The following ADAMTS7 variants were observed in gnomAD, a reference collection of about 807,000 sequenced individuals.
The protein encoded by ADAMTS7 is ADAM metallopeptidase with thrombospondin type 1 motif 7, also known as A disintegrin and metalloproteinase with thrombospondin motifs 7.
Under a neutral mutation model 172.6 loss-of-function variants are expected in ADAMTS7, and 89 were observed. The ratio of observed to expected loss-of-function variants is 0.52; its 90% CI spans 0.43 to 0.61. ADAMTS7 has a LOEUF of 0.61. Ranked by LOEUF, ADAMTS7 falls within the 20% of genes least tolerant of loss-of-function variation. The probability of loss-of-function intolerance (pLI) is 0.00; values close to 1 mark genes in which losing one functional copy is unlikely to be tolerated. For missense variants in ADAMTS7, 1,973 were observed against 2,355.6 expected (o/e 0.84, Z 3.36); for synonymous variants, 885 against 978.4 (o/e 0.90, Z 1.78).
chr15:78,764,626 C>T lies in ADAMTS7; in HGVS notation c.4348G>A (p.Gly1450Ser), dbSNP rs199897385. 1,106 of 1,554,706 alleles carry T rather than the reference C, an allele frequency of 7.1e-4. 5 individuals carry two copies. In the African/African-American group the frequency reaches 0.013, roughly 18 times the overall value. The part of the protein sequence containing the change: ...SGRDEDCAPA[G>S]RPQPARRCHL... ...CAGCGGCGGGCAGGCTGGGGCCGGC[C>T]AGCGGGGGCGCAGTCCTCATCCCGG... is the stretch of plus-strand genomic sequence containing the variant. Residue 1450 changes from glycine (G) to serine (S), a missense_variant, in exon 20 of 24, where the codon GGC (glycine) becomes AGC (serine). Transcript: ENST00000388820.
rs531863929 is a variant in ADAMTS7 at position 78,763,970 on chromosome 15, C to G, written c.4549G>C (p.Gly1517Arg). The change falls in exon 21 of 24, where the codon GGG becomes CGG. Residue 1517 changes from glycine (G) to arginine (R), a missense_variant. By Grantham distance (125) the Gly-to-Arg change is moderately radical (BLOSUM62 -2). Around this residue, in one of 8 missense-constraint regions of ADAMTS7, gnomAD observed 218 missense variants for 216.9 expected, o/e 1.01. Coordinates refer to ENST00000388820, the MANE Select transcript of ADAMTS7 (RefSeq NM_014272.5). ...PAKPPAHRPC[G>R]AQPCLSWYTS... is the part of the protein sequence containing the mutation. The stretch of plus-strand genomic sequence containing the variant: ...TACCAGCTGAGGCAGGGCTGGGCCC[C>G]GCAGGGCCGGTGCGCAGGCGGCTTG... 1 of 1,548,612 alleles carries G rather than the reference C, an allele frequency of 6.5e-7. No homozygotes were observed. The highest frequency in any genetic ancestry group is 8.7e-7 in the Non-Finnish European group (1 of 1,147,196).
At position 78,763,977 on chromosome 15, in the gene ADAMTS7, C is replaced by A; in HGVS notation, c.4542G>T (p.Arg1514=). The change falls in exon 21 of 24, where the codon CGG becomes CGT. Residue 1514 remains arginine (R), a synonymous_variant. Transcript: ENST00000388820. ...TGAGGCAGGGCTGGGCCCCGCAGGG[C>A]CGGTGCGCAGGCGGCTTGGCAGGCC... The part of the protein sequence containing the change: ...QPGPAKPPAH[R]PCGAQPCLSW... 1 of 1,547,894 alleles carries A rather than the reference C, an allele frequency of 6.5e-7. No homozygotes were observed. The highest frequency in any genetic ancestry group is 8.7e-7 in the Non-Finnish European group (1 of 1,146,408).
At chr15:78,806,650 A>G (rs753903914) in intron 1 of ADAMTS7, among the ~76,000 whole-genome samples, 1 of 152,176 alleles carries the variant, frequency 6.6e-6, no homozygotes, top group Non-Finnish European at 1.5e-5. Flanking sequence ...CGAAAATGAC[A>G]GAGATAGGGA....
intron 22 of ADAMTS7, 94 bp from the exon 23 acceptor site, chr15:78,762,659 T>C: frequency 2.8e-6 from 3 of 1,075,058 alleles, no homozygotes; most frequent in Non-Finnish European, 3.7e-6. Flanking sequence ...CTGCGCCCTG[T>C]GCCTGACTGG....
chr15:78,773,813 T>TCAGC (rs2055293568), intron 13 of ADAMTS7, among the ~76,000 whole-genome samples: 1 of 152,200 alleles, frequency 6.6e-6, no homozygotes, highest in African/African-American at 2.4e-5. Context: ...CTGCCTGTGG[T>TCAGC]CAGCCAGCCA....
intron 4 of ADAMTS7, among the ~76,000 whole-genome samples, chr15:78,795,247 C>T (rs1235379698): frequency 6.6e-6 from 1 of 152,206 alleles, no homozygotes; most frequent in African/African-American, 2.4e-5. Flanking sequence ...CCAGCAATAG[C>T]CCTGCTGAAC....
Position 78,763,145 on chromosome 15 carries a change from C to G in ADAMTS7, c.4740+554G>C, listed in dbSNP as rs1184923089. 2.0e-5 allele frequency among the ~76,000 whole-genome samples: 3 copies of G among 152,340 alleles called. 1 individual carries two copies. Among genetic ancestry groups the G allele is most frequent in the South Asian group, 4.1e-4 (2 of 4,832 alleles). On this transcript the variant is annotated intron_variant, in intron 22 of 23. Coordinates refer to ENST00000388820, the MANE Select transcript of ADAMTS7 (RefSeq NM_014272.5). ...CCTCTCCTAAGCTGTTCCAGTTTTA[C>G]AGATGAGAAAACAGTGACCCAGCAA... is the stretch of plus-strand genomic sequence containing the variant.
In ADAMTS7 at chr15:78,773,111, G is replaced by A. The variant is rs781017283; in HGVS notation, c.2103C>T (p.Ser701=). 1.7e-5 allele frequency: 26 copies of A among 1,524,430 alleles called. 1 individual carries two copies. Among genetic ancestry groups the A allele is most frequent in the South Asian group, 7.1e-5 (6 of 84,478 alleles). 94.4% of individuals were successfully genotyped at this position (1,524,430 alleles called of 1,614,324 possible). The change falls in exon 14 of 24, where the codon AGC becomes AGT. Residue 701 remains serine, a synonymous_variant. Transcript: ENST00000388820. ...HGNGSTCHTV[S]GTFEEAEGLG... ...GGCCCTCGGCCTCCTCGAAGGTCCC[G>A]CTCACGGTGTGGCAGGTGGAGCCGT... is the stretch of plus-strand genomic sequence containing the variant.
At chr15:78,772,682 C>T (rs1380521761) in intron 14 of ADAMTS7, among the ~76,000 whole-genome samples, 4 of 152,268 alleles carry the variant, frequency 2.6e-5, no homozygotes, top group African/African-American at 9.6e-5. Flanking sequence ...TTCTGTCCCC[C>T]TCCAGGACTA....
In ADAMTS7 at chr15:78,811,300, C is replaced by G; in HGVS notation, c.-80G>C. On this transcript the variant is annotated 5_prime_UTR_variant, in exon 1 of 24. Transcript: ENST00000388820. ...GTCCGGTCGCTGCCTGGTCCCAGGT[C>G]CGGCTCAGGACATGCCCGGCCGGCG... 8.2e-7 allele frequency: 1 copy of G among 1,216,668 alleles called. No individual in the cohort carries two copies. The highest frequency in any genetic ancestry group is 1.6e-5 in the African/African-American group (1 of 63,830). The allele number at this position is 1,216,668 out of a possible 1,614,324, so 75.4% of individuals were successfully genotyped here. A position where few individuals can be genotyped will look rare whatever the true frequency, so the allele number is the denominator to read the frequency against.
At chr15:78,769,932 C>CGG (rs1306642949) in intron 16 of ADAMTS7, among the ~76,000 whole-genome samples, 1 of 152,166 alleles carries the variant, frequency 6.6e-6, no homozygotes, top group African/African-American at 2.4e-5. Flanking sequence ...GAAGCCAAGG[C>CGG]GGGCAAATCA....
At chr15:78,797,370 A>G (rs1381043259) in intron 3 of ADAMTS7, among the ~76,000 whole-genome samples, 1 of 152,262 alleles carries the variant, frequency 6.6e-6, no homozygotes, top group African/African-American at 2.4e-5. Flanking sequence ...ATGCAGTACC[A>G]GAGCTGTGGG....
chr15:78,777,891 C>T (rs1378284762), intron 8 of ADAMTS7, among the ~76,000 whole-genome samples: 3 of 152,192 alleles, frequency 2.0e-5, no homozygotes, highest in Admixed American at 1.3e-4. Context: ...ACCACCAAGC[C>T]GTCATGTGGC....
In ADAMTS7 at chr15:78,759,578, C is replaced by T. The variant is rs1229435210; in HGVS notation, c.4904G>A (p.Arg1635His). ...GAAGGACAGGCGGTCCCGCTCACAG[C>T]CTGGAGTGGGGGGGCAGAGAGGCAT... ...TEDCEPVEPPRCERDRLSFGF... is the reference protein window; with the variant it reads ...TEDCEPVEPPHCERDRLSFGF... The change falls in exon 24 of 24, where the codon CGC becomes CAC. Residue 1635 changes from arginine (R) to histidine (H), a missense_variant and splice_region_variant. Arg to His is a conservative substitution (Grantham distance 29). Transcript: ENST00000388820. 1.9e-5 allele frequency: 30 copies of T among 1,579,928 alleles called. No individual in the cohort carries two copies. Among genetic ancestry groups the T allele is most frequent in the Non-Finnish European group, 2.4e-5 (28 of 1,168,842 alleles).
In ADAMTS7 at chr15:78,767,559, G is replaced by A. The variant is rs762734922; in HGVS notation, c.2679C>T (p.Ser893=). Residue 893 remains serine (S), a synonymous_variant, in exon 18 of 24, where the codon AGC becomes AGT. Transcript: ENST00000388820. ...WWAGEWQLCS[S]SCGPGGLSRR... is the part of the protein sequence containing the mutation. ...GGGAGAGGCCCCCAGGCCCGCAGGA[G>A]CTGGAGCACAGCTGCCACTCACCTG... The A allele has an allele frequency of 1.9e-5, 29 of 1,561,534 alleles. No individual in the cohort carries two copies. In the East Asian group the frequency reaches 6.6e-4, roughly 36 times the overall value.
At chr15:78,802,056 C>A (rs1298209669) in intron 1 of ADAMTS7, among the ~76,000 whole-genome samples, 4 of 151,826 alleles carry the variant, frequency 2.6e-5, no homozygotes, top group Non-Finnish European at 5.9e-5. Context: ...AGGCTGGTCT[C>A]GAACTCCAGG....
chr15:78,771,154 C>T lies in ADAMTS7; in HGVS notation c.2518+8G>A, dbSNP rs2055241908. 2.5e-6 allele frequency: 4 copies of T among 1,601,156 alleles called. No individual in the cohort carries two copies. Among genetic ancestry groups the T allele is most frequent in the Non-Finnish European group, 3.4e-6 (4 of 1,173,974 alleles). On this transcript the variant is annotated splice_region_variant and intron_variant, in intron 16 of 23. Transcript: ENST00000388820. This position sits in a 1 kb window ranked among gnomAD's most constrained non-coding sequence, Gnocchi z 4.9. ...TGCAGGTGGGGCTGTGCCTGCCCCA[C>T]TTCTCACCTCTGCCGCAGGTGACTG...
At chr15:78,780,699 G>T (rs1433147647) in intron 8 of ADAMTS7, among the ~76,000 whole-genome samples, 4 of 152,174 alleles carry the variant, frequency 2.6e-5, no homozygotes, top group Admixed American at 6.5e-5. Flanking sequence ...CCTCCTGAGG[G>T]TTCTTCTGCC....
Position 78,766,991 on chromosome 15 carries a change from C to T in ADAMTS7, c.2920G>A (p.Gly974Ser), listed in dbSNP as rs150132379. ...RRNVLCTNDTGVPCDEAQQPA... is the reference protein window; with the variant it reads ...RRNVLCTNDTSVPCDEAQQPA... Reference sequence around the variant, plus strand: ...TGCTGGGCCTCGTCACAGGGGACACCGGTGTCATTGGTGCAGAGGACATTT... The same window carrying T: ...TGCTGGGCCTCGTCACAGGGGACACTGGTGTCATTGGTGCAGAGGACATTT... Residue 974 changes from glycine (G) to serine (S), a missense_variant, in exon 19 of 24, where the codon GGT becomes AGT. By Grantham distance (56) the Gly-to-Ser change is moderately conservative. This residue lies in a region of ADAMTS7 where 771 missense variants were observed against 952.6 expected (regional missense o/e 0.81). Transcript: ENST00000388820. The T allele has an allele frequency of 5.5e-3, 8,879 of 1,604,560 alleles. 51 individuals are homozygous for T. Among genetic ancestry groups the T allele is most frequent in the Non-Finnish European group, 6.5e-3 (7,592 of 1,176,334 alleles).
Sources: gnomAD v4.1 joint callset for allele counts (sites outside exome capture counted in the v4.1 genomes callset) on GRCh38, gnomAD v4.1.1 for gene constraint, gnomAD v4.1.1 regional missense constraint, Gnocchi (gnomAD v3.1) non-coding constraint, MANE v1.5 for transcripts, NCBI Gene and HGNC (gene_info 2026-07-23, HGNC 2026-07-21) for gene names.